The following LOC128092253 variants were observed in gnomAD, a reference collection of about 807,000 sequenced individuals.
the LOC128092253 span, among the ~76,000 whole-genome samples, chr6:133,960,587 G>T: frequency 6.6e-6 from 1 of 152,026 alleles, no homozygotes; most frequent in Non-Finnish European, 1.5e-5. Flanking sequence ...CTAGGCTTTT[G>T]GTTTTGGCCT....
the LOC128092253 span, among the ~76,000 whole-genome samples, chr6:133,965,728 A>G: frequency 6.6e-6 from 1 of 152,070 alleles, no homozygotes; most frequent in Non-Finnish European, 1.5e-5. Context: ...TTGAAGGAAT[A>G]TGATTTGCTT....
chr6:133,970,431 G>T, the LOC128092253 span, among the ~76,000 whole-genome samples: 5 of 152,180 alleles, frequency 3.3e-5, no homozygotes, highest in African/African-American at 9.6e-5. Context: ...ATATGTGTTT[G>T]TTTAAGTAAT....
the LOC128092253 span, among the ~76,000 whole-genome samples, chr6:133,974,004 CAAAA>C: frequency 8.0e-6 from 1 of 124,612 alleles, no homozygotes; most frequent in Non-Finnish European, 1.7e-5. Context: ...CAGACTTTAC[CAAAA>C]AAAAAAAAAA....
chr6:133,976,982 A>G, the LOC128092253 span, among the ~76,000 whole-genome samples: 87 of 151,920 alleles, frequency 5.7e-4, no homozygotes, highest in African/African-American at 2.0e-3. Context: ...AAAAAAAAAA[A>G]GAAAAAAAAG....
At chr6:133,962,087 G>A in the LOC128092253 span, among the ~76,000 whole-genome samples, 1,260 of 152,190 alleles carry the variant, frequency 8.3e-3, 36 homozygotes, top group Admixed American at 0.061. Flanking sequence ...CTATAAAACC[G>A]CGAAACAGTC....
chr6:133,958,303 C>T, the LOC128092253 span, among the ~76,000 whole-genome samples: 2 of 152,256 alleles, frequency 1.3e-5, no homozygotes, highest in African/African-American at 4.8e-5. Flanking sequence ...CTTGTATAAC[C>T]TTAGTTGATG....
At chr6:133,958,435 G>T in the LOC128092253 span, among the ~76,000 whole-genome samples, 1 of 152,098 alleles carries the variant, frequency 6.6e-6, no homozygotes, top group Admixed American at 6.6e-5. Context: ...TTGCTGCTCT[G>T]CCCCAGTAAT....
chr6:133,972,256 C>A, the LOC128092253 span, among the ~76,000 whole-genome samples: 2 of 152,292 alleles, frequency 1.3e-5, no homozygotes, highest in South Asian at 4.1e-4. Context: ...ACAAAATTAA[C>A]AGTAATTTCA....
At chr6:133,965,140 CTT>C in the LOC128092253 span, among the ~76,000 whole-genome samples, 1 of 152,136 alleles carries the variant, frequency 6.6e-6, no homozygotes, top group Non-Finnish European at 1.5e-5. Context: ...AACTAATAAT[CTT>C]TTAAAAATTA....
At chr6:133,963,135 G>A in the LOC128092253 span, among the ~76,000 whole-genome samples, 1 of 152,156 alleles carries the variant, frequency 6.6e-6, no homozygotes, top group African/African-American at 2.4e-5. Flanking sequence ...AGCATGAAGT[G>A]GAGTTTGGGA....
chr6:133,977,859 A>G, the LOC128092253 span, among the ~76,000 whole-genome samples: 8 of 152,328 alleles, frequency 5.3e-5, no homozygotes, highest in East Asian at 1.4e-3. Context: ...CTTGAGCTCT[A>G]GCTCTCATAT....
At chr6:133,957,668 G>A in the LOC128092253 span, among the ~76,000 whole-genome samples, 1 of 152,198 alleles carries the variant, frequency 6.6e-6, no homozygotes, top group South Asian at 2.1e-4. Context: ...GATGCAGGCA[G>A]CCTGTGTTCA....
the LOC128092253 span, among the ~76,000 whole-genome samples, chr6:133,963,167 T>C: frequency 2.6e-5 from 4 of 152,320 alleles, no homozygotes; most frequent in South Asian, 2.1e-4. Flanking sequence ...GTAAACAGAA[T>C]GTAGAAGTCT....
At chr6:133,962,846 TG>T in the LOC128092253 span, among the ~76,000 whole-genome samples, 2 of 152,300 alleles carry the variant, frequency 1.3e-5, no homozygotes, top group African/African-American at 4.8e-5. Context: ...TGGAACCTAT[TG>T]TTGAGCTTTT....
At chr6:133,962,196 T>G in the LOC128092253 span, among the ~76,000 whole-genome samples, 1 of 152,192 alleles carries the variant, frequency 6.6e-6, no homozygotes, top group Non-Finnish European at 1.5e-5. Context: ...GGAAGTCCAC[T>G]GCATTCCAAG....
At chr6:133,957,635 A>G in the LOC128092253 span, among the ~76,000 whole-genome samples, 1 of 152,220 alleles carries the variant, frequency 6.6e-6, no homozygotes, top group East Asian at 1.9e-4. Flanking sequence ...GATTGGTACA[A>G]CACTTAAAGA....
chr6:133,963,667 C>T, the LOC128092253 span, among the ~76,000 whole-genome samples: 1 of 152,072 alleles, frequency 6.6e-6, no homozygotes, highest in African/African-American at 2.4e-5. Context: ...GCAACCTGCC[C>T]ACCTTGGCCT....
the LOC128092253 span, among the ~76,000 whole-genome samples, chr6:133,962,138 G>A: frequency 6.6e-6 from 1 of 152,174 alleles, no homozygotes; most frequent in Non-Finnish European, 1.5e-5. Context: ...AGAATGTTAA[G>A]GTGTGTTGGA....
At chr6:133,956,419 A>G in the LOC128092253 span, among the ~76,000 whole-genome samples, 6 of 152,172 alleles carry the variant, frequency 3.9e-5, no homozygotes, top group Admixed American at 3.9e-4. Context: ...CAGAGAAATG[A>G]CATGTGTGTA....
Sources: allele counts gnomAD v4.1 joint callset (sites outside exome capture counted in the v4.1 genomes callset), GRCh38; gene constraint gnomAD v4.1.1; transcripts MANE v1.5.